The following PCDHA6 variants were observed in gnomAD, a reference collection of about 807,000 sequenced individuals.
The protein encoded by PCDHA6 is protocadherin alpha-6.
Under a neutral mutation model 60.3 loss-of-function variants are expected in PCDHA6, and 55 were observed. The ratio of observed to expected loss-of-function variants is 0.91; its 90% CI spans 0.73 to 1.14. The LOEUF (loss-of-function observed/expected upper bound fraction) is 1.14. Among genes scored for constraint, PCDHA6 ranks in the 50% most tolerant of loss-of-function variants. The pLI is 0.00. For missense variants in PCDHA6, 1,327 were observed against 1,256.5 expected, an observed-to-expected ratio of 1.06 and a Z score of -0.85; for synonymous variants, 652 against 557.9, an observed-to-expected ratio of 1.17 and a Z score of -2.38.
In PCDHA6 at chr5:140,829,248, A is replaced by C. The variant is rs2150164667; in HGVS notation, c.1157A>C (p.Asn386Thr). The change falls in exon 1 of 4, where the codon AAC (asparagine) becomes ACC (threonine). Residue 386 changes from asparagine (N) to threonine (T), a missense_variant. Coordinates refer to ENST00000529310, the MANE Select transcript of PCDHA6 (RefSeq NM_018909.4). Reference sequence around the variant, plus strand: ...GATTCAGGTGCCAACGGGCAGGTGAACTGCTCGCTGACGCCTCACGTCCCT... The same window carrying C: ...GATTCAGGTGCCAACGGGCAGGTGACCTGCTCGCTGACGCCTCACGTCCCT... Reference protein sequence around the residue: ...DLDSGANGQVNCSLTPHVPFK... With the variant: ...DLDSGANGQVTCSLTPHVPFK... 23 of 1,614,078 alleles carry C rather than the reference A, an allele frequency of 1.4e-5. No homozygotes were observed. The highest frequency in any genetic ancestry group is 1.2e-4 in the Admixed American group (7 of 59,962).
In PCDHA6 at chr5:140,851,512, GT is replaced by G. The variant is rs1354131042; in HGVS notation, c.2394+21031del. On this transcript the variant is annotated intron_variant, in intron 1 of 3. Coordinates refer to ENST00000529310, the MANE Select transcript of PCDHA6 (RefSeq NM_018909.4). ...CTTCATTTCAACTTATATAAAATAT[GT>G]TTTAAAATGCCTGACAATGTAGATA... The G allele has an allele frequency of 1.0e-5, 9 of 903,444 alleles. 1 individual carries two copies. The highest frequency in any genetic ancestry group is 1.8e-5 in the African/African-American group (1 of 55,438). 56.0% of individuals were successfully genotyped at this position (903,444 alleles called of 1,614,324 possible). A position where few individuals can be genotyped will look rare whatever the true frequency, so the allele number is the denominator to read the frequency against.
chr5:140,863,352 G>T (rs568992628), intron 1 of PCDHA6: 16 of 1,288,838 alleles, frequency 1.2e-5, no homozygotes, highest in Non-Finnish European at 1.6e-5. Context: ...TGTACACGAC[G>T]CTGCGGTGCT....
At chr5:140,970,567 T>G (rs558796957) in intron 1 of PCDHA6, among the ~76,000 whole-genome samples, 7 of 152,284 alleles carry the variant, frequency 4.6e-5, no homozygotes, top group African/African-American at 1.7e-4. Context: ...TCCATATGTA[T>G]GCTTGAAATA....
rs1368694746 is a variant in PCDHA6, at chr5:140,870,609, G to T, written c.2394+40124G>T. ...TGGAGCGGCGGTTGGGCGACCGCGC[G>T]CTGTCGAGCTACGTGTCGGTGCACG... On this transcript the variant is annotated intron_variant, in intron 1 of 3. Coordinates refer to ENST00000529310, the MANE Select transcript of PCDHA6 (RefSeq NM_018909.4). The T allele has an allele frequency of 5.0e-6, 8 of 1,613,114 alleles. No homozygotes were observed. In the East Asian group the frequency reaches 1.8e-4, roughly 36 times the overall value.
At chr5:141,009,120 T>C (rs1383940737) in intron 3 of PCDHA6, among the ~76,000 whole-genome samples, 1 of 152,236 alleles carries the variant, frequency 6.6e-6, no homozygotes, top group African/African-American at 2.4e-5. Flanking sequence ...ACTAGATTCT[T>C]GGTATCCTGG....
At chr5:141,004,976 A>G (rs1554259837) in intron 3 of PCDHA6, among the ~76,000 whole-genome samples, 1 of 152,248 alleles carries the variant, frequency 6.6e-6, no homozygotes, top group Non-Finnish European at 1.5e-5. Flanking sequence ...GTAAATTTGC[A>G]GTATCATTAT....
chr5:140,939,215 G>C (rs1251785254), intron 1 of PCDHA6, among the ~76,000 whole-genome samples: 1 of 152,154 alleles, frequency 6.6e-6, no homozygotes, highest in African/African-American at 2.4e-5. Context: ...CCTTCTTGCT[G>C]TCTCTTCACC....
At chr5:140,858,647 A>T in intron 1 of PCDHA6, 1 of 821,512 alleles carries the variant, frequency 1.2e-6, no homozygotes, top group Non-Finnish European at 1.8e-6. Context: ...ATTGGTACTT[A>T]AATTTTTTTA....
chr5:140,884,682 A>C, intron 1 of PCDHA6: 5 of 1,546,956 alleles, frequency 3.2e-6, no homozygotes, highest in Non-Finnish European at 4.4e-6. Flanking sequence ...TATTTTAAAA[A>C]ATTGTCTTAG....
chr5:140,896,465 C>T (rs967658819), intron 1 of PCDHA6, among the ~76,000 whole-genome samples: 8 of 151,988 alleles, frequency 5.3e-5, no homozygotes, highest in South Asian at 4.1e-4. Context: ...TGGGTTCAAG[C>T]GGTTCTCCTG....
intron 1 of PCDHA6, chr5:140,851,957 G>A: frequency 1.0e-6 from 1 of 975,112 alleles, no homozygotes; most frequent in Non-Finnish European, 1.2e-6. Flanking sequence ...TCAAAATGGT[G>A]GTTTTCCACA....
intron 1 of PCDHA6, chr5:140,842,916 A>T: frequency 6.3e-7 from 1 of 1,594,694 alleles, no homozygotes; most frequent in East Asian, 2.2e-5. Flanking sequence ...GAGCTGCTGC[A>T]GTTCCAGGTG....
At chr5:140,883,239 A>ACAAAGGAAATATTC in intron 1 of PCDHA6, 1 of 1,614,096 alleles carries the variant, frequency 6.2e-7, no homozygotes, top group Non-Finnish European at 8.5e-7. Context: ...GAGGCAGTTG[A>ACAAAGGAAATATTC]CAAAGGAAAT....
At chr5:140,985,684 C>T (rs2097164164) in intron 3 of PCDHA6, among the ~76,000 whole-genome samples, 1 of 151,578 alleles carries the variant, frequency 6.6e-6, no homozygotes, top group Non-Finnish European at 1.5e-5. Flanking sequence ...CTGCCTTACG[C>T]TAATCCTCGT....
intron 3 of PCDHA6, among the ~76,000 whole-genome samples, chr5:141,006,294 C>T (rs2098266534): frequency 6.6e-6 from 1 of 152,048 alleles, no homozygotes; most frequent in African/African-American, 2.4e-5. Flanking sequence ...TCACTGCAAG[C>T]TCCACTTCCC....
At chr5:140,884,046 A>T in intron 1 of PCDHA6, 1 of 1,613,474 alleles carries the variant, frequency 6.2e-7, no homozygotes, top group Non-Finnish European at 8.5e-7. Flanking sequence ...GTGGTGGCGA[A>T]GGTGCGCGCG....
intron 3 of PCDHA6, among the ~76,000 whole-genome samples, chr5:140,990,589 C>G (rs1208213426): frequency 6.6e-6 from 1 of 152,196 alleles, no homozygotes; most frequent in African/African-American, 2.4e-5. Flanking sequence ...TTCCTATAAT[C>G]ACCTGGAGTC....
chr5:140,962,127 G>A (rs1198076557), intron 1 of PCDHA6, among the ~76,000 whole-genome samples: 1 of 151,934 alleles, frequency 6.6e-6, no homozygotes, highest in East Asian at 1.9e-4. Flanking sequence ...CCTTGGCCTC[G>A]GCCTCCCAAA....
chr5:140,975,679 A>G (rs1312259048), intron 1 of PCDHA6, among the ~76,000 whole-genome samples: 1 of 152,250 alleles, frequency 6.6e-6, no homozygotes, highest in Non-Finnish European at 1.5e-5. Context: ...TATTAATAAA[A>G]TAGGGTATTT....
Sources: allele counts gnomAD v4.1 joint callset (sites outside exome capture counted in the v4.1 genomes callset), GRCh38; gene constraint gnomAD v4.1.1; transcripts MANE v1.5; gene names NCBI Gene and HGNC (gene_info 2026-07-23, HGNC 2026-07-21).